The following STN1 variants were observed in gnomAD, a reference collection of about 807,000 sequenced individuals.
STN1 encodes STN1 subunit of CST complex.
A neutral mutation model predicts 45.5 loss-of-function variants in STN1; 29 were observed. The observed-to-expected ratio is 0.64, with a 90% CI of 0.47 to 0.87. The LOEUF (loss-of-function observed/expected upper bound fraction) is 0.87. STN1 is among the 40% of genes least tolerant of loss of function. The pLI is 0.00. For synonymous variants in STN1, 148 were observed against 159.0 expected (o/e 0.93, Z 0.52); for missense variants, 376 against 441.4 (o/e 0.85, Z 1.33).
At position 103,910,534 on chromosome 10, in the gene STN1, A is replaced by T. The variant is rs751887116; in HGVS notation, c.222T>A (p.Ser74Arg). The T allele has an allele frequency of 3.8e-6, 6 of 1,594,952 alleles. No individual in the cohort carries two copies. Among genetic ancestry groups the T allele is most frequent in the Non-Finnish European group, 4.3e-6 (5 of 1,163,008 alleles). The change falls in exon 3 of 10, where the codon AGT becomes AGA. Residue 74 changes from serine (S) to arginine (R), a missense_variant. Physicochemically the swap from Ser to Arg is moderately radical, Grantham distance 110. Coordinates refer to ENST00000224950, the MANE Select transcript of STN1 (RefSeq NM_024928.5). ...IGVRERDAFYSYGVDDSTGVI... is the reference protein window; with the variant it reads ...IGVRERDAFYRYGVDDSTGVI... Reference sequence around the variant, plus strand: ...AGACACAATTGTTCTTACCTCCATAACTGTAGAAAGCATCTCTTTCTCTCA... The same window carrying T: ...AGACACAATTGTTCTTACCTCCATATCTGTAGAAAGCATCTCTTTCTCTCA...
At chr10:103,884,972 T>C (rs1313003988) in intron 9 of STN1, among the ~76,000 whole-genome samples, 1 of 152,152 alleles carries the variant, frequency 6.6e-6, no homozygotes, top group Non-Finnish European at 1.5e-5. Flanking sequence ...ACCTACTATG[T>C]GTGCATTGCT....
intron 4 of STN1, among the ~76,000 whole-genome samples, chr10:103,902,194 G>T (rs561048020): frequency 9.0e-4 from 137 of 152,270 alleles, no homozygotes; most frequent in African/African-American, 3.2e-3. Context: ...GTGAGTCCAG[G>T]TAGGAACCTG....
chr10:103,910,433 C>A lies in STN1; in HGVS notation c.229+94G>T. The A allele has an allele frequency of 3.9e-6, 3 of 763,692 alleles. No individual in the cohort carries two copies. In the South Asian group the frequency reaches 4.8e-5, roughly 12 times the overall value. 47.3% of individuals were successfully genotyped at this position (763,692 alleles called of 1,614,324 possible). A position where few individuals can be genotyped will look rare whatever the true frequency, so the allele number is the denominator to read the frequency against. On this transcript the variant is annotated intron_variant, in intron 3 of 9. Coordinates refer to ENST00000224950, the MANE Select transcript of STN1 (RefSeq NM_024928.5). Reference sequence around the variant, plus strand: ...ACATGCCCTTAGTGAGGGTCCCCAGCTACTCTAAATGGCTGGGGCTGCTGA... The same window carrying A: ...ACATGCCCTTAGTGAGGGTCCCCAGATACTCTAAATGGCTGGGGCTGCTGA...
At chr10:103,903,787 C>T (rs1026148314) in intron 4 of STN1, among the ~76,000 whole-genome samples, 1 of 152,152 alleles carries the variant, frequency 6.6e-6, no homozygotes, top group African/African-American at 2.4e-5. Context: ...AAGAAAAACA[C>T]CTCAGACATA....
At chr10:103,898,001 A>G (rs1392794781) in intron 6 of STN1, among the ~76,000 whole-genome samples, 1 of 152,172 alleles carries the variant, frequency 6.6e-6, no homozygotes, top group Admixed American at 6.5e-5. Flanking sequence ...GGAAACCCAC[A>G]AAATCTATGG....
At chr10:103,899,893 A>G (rs1350539839) in intron 5 of STN1, 169 bp downstream of exon 5, 6 of 561,938 alleles carry the variant, frequency 1.1e-5, no homozygotes, top group Admixed American at 3.5e-5. Flanking sequence ...AAATAAAAGT[A>G]AGAAATGCTG....
intron 2 of STN1, 128 bp downstream of exon 2, chr10:103,917,334 A>G: frequency 1.5e-6 from 1 of 648,248 alleles, no homozygotes; most frequent in South Asian, 2.4e-5. Flanking sequence ...GCGAAGGTCC[A>G]GGCTAGGTCC....
At chr10:103,898,079 A>G (rs1843183215) in intron 6 of STN1, among the ~76,000 whole-genome samples, 1 of 152,230 alleles carries the variant, frequency 6.6e-6, no homozygotes, top group Non-Finnish European at 1.5e-5. Context: ...GCTTATGAAC[A>G]TTGGTAATCT....
At chr10:103,883,712 TC>T (rs34489952) in intron 9 of STN1, among the ~76,000 whole-genome samples, 67,251 of 151,676 alleles carry the variant, frequency 0.44, 15,605 homozygotes, top group Non-Finnish European at 0.5. Context: ...CAGTCACCAA[TC>T]AATGTTATCT....
intron 9 of STN1, among the ~76,000 whole-genome samples, chr10:103,888,766 T>G (rs1323431188): frequency 6.6e-6 from 1 of 152,156 alleles, no homozygotes; most frequent in African/African-American, 2.4e-5. Context: ...TGTATCAGAA[T>G]TCCTTGTCTA....
At chr10:103,888,938 G>A (rs1843120517) in intron 9 of STN1, 134 bp downstream of exon 9, 1 of 648,082 alleles carries the variant, frequency 1.5e-6, no homozygotes, top group South Asian at 1.8e-5. Context: ...GGGAGGGCAG[G>A]TACTTTGACT....
chr10:103,901,913 G>C (rs1164077320), intron 4 of STN1, among the ~76,000 whole-genome samples: 4 of 152,030 alleles, frequency 2.6e-5, no homozygotes, highest in Admixed American at 6.6e-5. Flanking sequence ...TCCTACACCA[G>C]CTTCAGTCAT....
Position 103,913,487 on chromosome 10 carries a change from C to T in STN1, c.134-2865G>A, listed in dbSNP as rs148848473. Reference sequence around the variant, plus strand: ...AAATCTTAAAAGCATCACAGAACAACGGAGAAAGAGATCAGAAGACTATAA... The same window carrying T: ...AAATCTTAAAAGCATCACAGAACAATGGAGAAAGAGATCAGAAGACTATAA... On this transcript the variant is annotated intron_variant, in intron 2 of 9. Coordinates refer to ENST00000224950, the MANE Select transcript of STN1 (RefSeq NM_024928.5). Among the ~76,000 whole-genome samples the T allele has an allele frequency of 3.5e-3, 530 of 151,442 alleles. 1 individual carries two copies. Among genetic ancestry groups the T allele is most frequent in the African/African-American group, 0.012 (493 of 41,298 alleles).
rs528432589 is a variant in STN1 at position 103,881,088 on chromosome 10, A to AT, written c.*1595dup. Among the ~76,000 whole-genome samples the AT allele has an allele frequency of 7.2e-5, 11 of 151,982 alleles. No individual in the cohort carries two copies. The South Asian group carries it at 1.9e-3, about 26-fold the overall frequency. On this transcript the variant is annotated 3_prime_UTR_variant, in exon 10 of 10. Transcript: ENST00000224950. ...GCAACACTGTCTGTCTGCTTTCATC[A>AT]TTTTTTTCATAGCTGCATAGTATTT...
At chr10:103,885,041 A>G (rs1459203201) in intron 9 of STN1, among the ~76,000 whole-genome samples, 1 of 152,068 alleles carries the variant, frequency 6.6e-6, no homozygotes, top group East Asian at 1.9e-4. Context: ...AGTCCACCAC[A>G]CCAGAATTCA....
intron 2 of STN1, among the ~76,000 whole-genome samples, chr10:103,916,440 T>C (rs772977816): frequency 1.2e-4 from 19 of 152,114 alleles, no homozygotes; most frequent in Non-Finnish European, 2.4e-4. Flanking sequence ...CAACAATAAT[T>C]AGGAAATAAA....
At chr10:103,910,853 G>A (rs560056341) in intron 2 of STN1, among the ~76,000 whole-genome samples, 3 of 152,208 alleles carry the variant, frequency 2.0e-5, no homozygotes, top group Non-Finnish European at 2.9e-5. Flanking sequence ...CACTAGACGG[G>A]AGAAAACCAA....
Position 103,882,564 on chromosome 10 carries a change from T to C in STN1, c.*120A>G. 2 of 1,004,606 alleles carry C rather than the reference T, an allele frequency of 2.0e-6. No homozygotes were observed. The highest frequency in any genetic ancestry group is 2.9e-6 in the Non-Finnish European group (2 of 695,542). 62.2% of individuals were successfully genotyped at this position (1,004,606 alleles called of 1,614,324 possible). A position where few individuals can be genotyped will look rare whatever the true frequency, so the allele number is the denominator to read the frequency against. On this transcript the variant is annotated 3_prime_UTR_variant, in exon 10 of 10. Transcript: ENST00000224950. ...CCATTCCCAAGATGACTATATTTTA[T>C]AGTTTATTATGAGGTAACTGCCTCC...
intron 7 of STN1, among the ~76,000 whole-genome samples, chr10:103,893,458 G>A (rs151074975): frequency 0.019 from 2,830 of 152,234 alleles, 72 homozygotes; most frequent in African/African-American, 0.065. Context: ...GTGAGCCACC[G>A]TGCCCAGCCT....
Sources: gnomAD v4.1 joint callset for allele counts (sites outside exome capture counted in the v4.1 genomes callset) on GRCh38, gnomAD v4.1.1 for gene constraint, MANE v1.5 for transcripts, NCBI Gene and HGNC (gene_info 2026-07-23, HGNC 2026-07-21) for gene names.